Variants in NRXN3 observed in about 807,000 individuals in gnomAD.
The protein encoded by NRXN3 is neurexin III.
Under a neutral mutation model 137.6 loss-of-function variants are expected in NRXN3, and 32 were observed. The observed-to-expected ratio is 0.23, with a 90% CI of 0.18 to 0.31. The LOEUF (loss-of-function observed/expected upper bound fraction) is 0.31. Among genes scored for constraint, NRXN3 ranks in the 10% least tolerant of loss-of-function variants. NRXN3 has a pLI of 1.00. For missense variants in NRXN3, 1,574 were observed against 2,062.5 expected, an observed-to-expected ratio of 0.76 and a Z score of 4.59; for synonymous variants, 798 against 784.5, an observed-to-expected ratio of 1.02 and a Z score of -0.29.
chr14:78,416,387 G>A (rs1486304563), intron 4 of NRXN3, among the ~76,000 whole-genome samples: 1 of 152,156 alleles, frequency 6.6e-6, no homozygotes, highest in African/African-American at 2.4e-5. Context: ...AAAGAAAAGG[G>A]TCTGTTGTAT....
chr14:78,858,013 A>C (rs2099062205), intron 10 of NRXN3, among the ~76,000 whole-genome samples: 1 of 152,200 alleles, frequency 6.6e-6, no homozygotes, highest in Non-Finnish European at 1.5e-5. Flanking sequence ...GATAGGAAGT[A>C]GAATGCTGTG....
chr14:78,376,461 A>G (rs1466484008), intron 4 of NRXN3, among the ~76,000 whole-genome samples: 3 of 152,234 alleles, frequency 2.0e-5, no homozygotes, highest in African/African-American at 7.2e-5. Flanking sequence ...TTGGATAGAC[A>G]TATTGGTCCC....
At chr14:78,409,507 A>C (rs2092699708) in intron 4 of NRXN3, among the ~76,000 whole-genome samples, 1 of 152,194 alleles carries the variant, frequency 6.6e-6, no homozygotes, top group African/African-American at 2.4e-5. Context: ...CTTTGCATTC[A>C]AAATTATTAT....
chr14:79,861,101 C>G lies in NRXN3; in HGVS notation c.4094-241C>G. The G allele has an allele frequency of 2.1e-6, 3 of 1,456,478 alleles. No homozygotes were observed. Among genetic ancestry groups the G allele is most frequent in the Non-Finnish European group, 2.7e-6 (3 of 1,108,072 alleles). 90.2% of individuals were successfully genotyped at this position (1,456,478 alleles called of 1,614,324 possible). On this transcript the variant is annotated intron_variant, in intron 20 of 20. Coordinates refer to ENST00000335750, the MANE Select transcript of NRXN3 (RefSeq NM_001330195.2). The surrounding 1 kb of genome is among the most constrained non-coding windows in gnomAD (Gnocchi z 5.4). ...TTTAGCTACCCCTCCTATTGCTACT[C>G]GTGCACCTTCCATTACACTCCCCCC...
rs543275079 is a variant in NRXN3, at chr14:78,618,172, T to C, written c.758-26948T>C. On this transcript the variant is annotated intron_variant, in intron 4 of 20. Transcript: ENST00000335750. Reference sequence around the variant, plus strand: ...TCAGGTGCAGGAATTTATCAACATATAAATCAGAAGACAAAAAACTTCAAG... The same window carrying C: ...TCAGGTGCAGGAATTTATCAACATACAAATCAGAAGACAAAAAACTTCAAG... Among the ~76,000 whole-genome samples the C allele has an allele frequency of 3.9e-5, 6 of 152,036 alleles. No individual in the cohort carries two copies. The South Asian group carries it at 1.2e-3, about 32-fold the overall frequency.
rs140193411 is a variant in NRXN3, at chr14:78,354,363, C to T, written c.757+56503C>T. Among the ~76,000 whole-genome samples the T allele has an allele frequency of 4.3e-3, 653 of 152,288 alleles. 3 individuals carry two copies. The highest frequency in any genetic ancestry group is 0.015 in the African/African-American group (628 of 41,564). ...GAAGTATGAAAGAATATGTGGTTGC[C>T]ACACTTCCTTTCCCTGTGAAATTCA... On this transcript the variant is annotated intron_variant, in intron 4 of 20. Transcript: ENST00000335750.
chr14:78,578,544 T>C (rs182371113), intron 4 of NRXN3, among the ~76,000 whole-genome samples: 14 of 152,342 alleles, frequency 9.2e-5, no homozygotes, highest in Non-Finnish European at 2.9e-5. Context: ...GAATGCTCTT[T>C]CAAGAATATT....
intron 1 of NRXN3, among the ~76,000 whole-genome samples, chr14:78,228,505 A>G (rs2064978349): frequency 6.6e-6 from 1 of 152,274 alleles, no homozygotes; most frequent in African/African-American, 2.4e-5. Flanking sequence ...AATAGTAATG[A>G]TGATAATGGT....
At chr14:78,831,634 G>A (rs1377107873) in intron 10 of NRXN3, among the ~76,000 whole-genome samples, 3 of 149,492 alleles carry the variant, frequency 2.0e-5, no homozygotes, top group Non-Finnish European at 4.4e-5. Flanking sequence ...ATCAACATCT[G>A]TTGCTCCATT....
At chr14:79,225,612 T>C (rs1355469441) in intron 15 of NRXN3, among the ~76,000 whole-genome samples, 1 of 152,140 alleles carries the variant, frequency 6.6e-6, no homozygotes, top group Admixed American at 6.5e-5. Flanking sequence ...AGTCTAAAAC[T>C]AGTGCAACAC....
At chr14:79,664,025 G>T in intron 17 of NRXN3, 76 bp downstream of exon 17, 2 of 1,445,240 alleles carry the variant, frequency 1.4e-6, no homozygotes, top group South Asian at 2.4e-5. Flanking sequence ...TTTTTCTCAT[G>T]ACTGTCACCA....
chr14:79,030,421 C>T lies in NRXN3; in HGVS notation c.3262+42280C>T, dbSNP rs1235404318. Among the ~76,000 whole-genome samples the T allele has an allele frequency of 3.9e-5, 6 of 152,128 alleles. No homozygotes were observed. In the East Asian group the frequency reaches 1.2e-3, roughly 30 times the overall value. Reference sequence around the variant, plus strand: ...CCGAGCATCCTGCTGACCCCCAGAACCCTGCCTTGACACCTGCTCACAAAC... The same window carrying T: ...CCGAGCATCCTGCTGACCCCCAGAATCCTGCCTTGACACCTGCTCACAAAC... On this transcript the variant is annotated intron_variant, in intron 15 of 20. Coordinates refer to ENST00000335750, the MANE Select transcript of NRXN3 (RefSeq NM_001330195.2).
intron 16 of NRXN3, among the ~76,000 whole-genome samples, chr14:79,507,229 C>G (rs1411736166): frequency 6.6e-6 from 1 of 152,174 alleles, no homozygotes; most frequent in Non-Finnish European, 1.5e-5. Flanking sequence ...ATAGAACAGA[C>G]TTCAGTGAAA....
At chr14:78,897,664 T>G (rs1245630944) in intron 10 of NRXN3, among the ~76,000 whole-genome samples, 1 of 151,950 alleles carries the variant, frequency 6.6e-6, no homozygotes, top group Non-Finnish European at 1.5e-5. Context: ...ACCTCCACTC[T>G]GTCCTGGCCA....
At chr14:78,334,463 G>T (rs2081220720) in intron 4 of NRXN3, among the ~76,000 whole-genome samples, 1 of 152,048 alleles carries the variant, frequency 6.6e-6, no homozygotes, top group African/African-American at 2.4e-5. Context: ...GGGTTCCATT[G>T]TCTTCCCATG....
At chr14:78,484,025 C>G (rs57565069) in intron 4 of NRXN3, among the ~76,000 whole-genome samples, 12,574 of 113,692 alleles carry the variant, frequency 0.11, 759 homozygotes, top group African/African-American at 0.19. Flanking sequence ...CACACACACA[C>G]ACAGAGAGAG....
intron 15 of NRXN3, among the ~76,000 whole-genome samples, chr14:79,282,888 A>G (rs907424661): frequency 2.0e-5 from 3 of 152,130 alleles, no homozygotes; most frequent in Non-Finnish European, 4.4e-5. Context: ...CTCCTTGCAT[A>G]TTTAATTGGT....
chr14:79,355,297 T>G (rs2093382852), intron 15 of NRXN3, among the ~76,000 whole-genome samples: 1 of 149,886 alleles, frequency 6.7e-6, no homozygotes, highest in African/African-American at 2.5e-5. Flanking sequence ...CCAACTCTTC[T>G]TCACATCTCC....
intron 4 of NRXN3, among the ~76,000 whole-genome samples, chr14:78,512,666 T>A (rs991898372): frequency 5.9e-5 from 9 of 152,196 alleles, no homozygotes; most frequent in Admixed American, 2.0e-4. Flanking sequence ...TTAGTTTATT[T>A]GTTTCTCACA....
Sources: gnomAD v4.1 joint callset for allele counts (sites outside exome capture counted in the v4.1 genomes callset) on GRCh38, gnomAD v4.1.1 for gene constraint, Gnocchi (gnomAD v3.1) non-coding constraint, MANE v1.5 for transcripts, NCBI Gene and HGNC (gene_info 2026-07-23, HGNC 2026-07-21) for gene names.